ZKSCAN1: variants seen among roughly 807,000 people sequenced by gnomAD.
ZKSCAN1 encodes the protein zinc finger with KRAB and SCAN domains 1.
A neutral mutation model predicts 51.6 loss-of-function variants in ZKSCAN1; 14 were observed. The ratio of observed to expected loss-of-function variants is 0.27; its 90% confidence interval spans 0.18 to 0.42. The LOEUF is 0.42. Ranked by LOEUF, ZKSCAN1 falls within the 10% of genes least tolerant of loss-of-function variation. The probability of loss-of-function intolerance (pLI) is 1.00; values close to 1 mark genes in which losing one functional copy is unlikely to be tolerated. For missense variants in ZKSCAN1, 531 were observed against 710.0 expected (o/e 0.75, Z 2.86); for synonymous variants, 263 against 261.5 (o/e 1.01, Z -0.06).
chr7:100,041,823 G>A (rs1038325625), downstream of ZKSCAN1: 17 of 842,746 alleles, frequency 2.0e-5, 1 homozygote, highest in Non-Finnish European at 1.7e-5. Flanking sequence ...AAATTCTCAT[G>A]CAAAACTATC....
At chr7:100,029,631 AG>A (rs1490880529) in intron 3 of ZKSCAN1, among the ~76,000 whole-genome samples, 1 of 152,186 alleles carries the variant, frequency 6.6e-6, no homozygotes, top group East Asian at 1.9e-4. Context: ...TTAAAATAAA[AG>A]GGTTGGACCA....
intron 3 of ZKSCAN1, among the ~76,000 whole-genome samples, chr7:100,026,285 C>G (rs1462775304): frequency 1.4e-5 from 2 of 146,280 alleles, no homozygotes; most frequent in Non-Finnish European, 3.0e-5. Flanking sequence ...TTAACCATGA[C>G]TGGAGCTTGC....
chr7:100,036,113 G>A lies in ZKSCAN1; in HGVS notation c.*1916G>A, dbSNP rs540393904. On this transcript the variant is annotated 3_prime_UTR_variant, in exon 6 of 6. Transcript: ENST00000324306. ...AATGGTTTTATATGGAACCAACGAAGTGGGAGCTAAAACTGCACAGTGGTC... is the reference window on the plus strand; with the variant it reads ...AATGGTTTTATATGGAACCAACGAAATGGGAGCTAAAACTGCACAGTGGTC... 4.4e-4 allele frequency: 433 copies of A among 985,388 alleles called. 2 individuals carry two copies. In the Middle Eastern group the frequency reaches 4.7e-3, roughly 11 times the overall value. The allele number at this position is 985,388 out of a possible 1,614,324, so 61.0% of individuals were successfully genotyped here. A position where few individuals can be genotyped will look rare whatever the true frequency, so the allele number is the denominator to read the frequency against.
Position 100,030,230 on chromosome 7 carries a change from T to C in ZKSCAN1, c.673-19T>C. On this transcript the variant is annotated intron_variant, in intron 4 of 5. Transcript: ENST00000324306. ...CCTGAGTTTGGGGGGAAATGACTGTTTGTCTCGTGTTATTTTAGGCAATGG... is the reference window on the plus strand; with the variant it reads ...CCTGAGTTTGGGGGGAAATGACTGTCTGTCTCGTGTTATTTTAGGCAATGG... The C allele has an allele frequency of 6.2e-7, 1 of 1,610,840 alleles. No homozygotes were observed. The highest frequency in any genetic ancestry group is 8.5e-7 in the Non-Finnish European group (1 of 1,177,644).
chr7:100,036,388 C>T lies in ZKSCAN1; in HGVS notation c.*2191C>T. ...GCCACAGCAATGGTTTTGTAGAAAA[C>T]TCCTGTGCTTTTGAGCAAGGACTTT... is the stretch of plus-strand genomic sequence containing the variant. On this transcript the variant is annotated 3_prime_UTR_variant, in exon 6 of 6. Coordinates refer to ENST00000324306, the MANE Select transcript of ZKSCAN1 (RefSeq NM_003439.4). The T allele has an allele frequency of 1.0e-6, 1 of 985,382 alleles. No homozygotes were observed. Among genetic ancestry groups the T allele is most frequent in the Non-Finnish European group, 1.2e-6 (1 of 829,910 alleles). The allele number at this position is 985,382 out of a possible 1,614,324, so 61.0% of individuals were successfully genotyped here.
At position 100,041,650 on chromosome 7, in the gene ZKSCAN1, G is replaced by A. The variant is rs1002645671; in HGVS notation, c.*7453G>A. On this transcript the variant is annotated 3_prime_UTR_variant, in exon 6 of 6. Transcript: ENST00000324306. ...ATTCTCTTTATGTTGTTTCTCTTCT[G>A]AGTCATGGTAAAACAATAAATTATC... 1.0e-6 allele frequency: 1 copy of A among 985,364 alleles called. No homozygotes were observed. The highest frequency in any genetic ancestry group is 1.7e-5 in the African/African-American group (1 of 57,344). 61.0% of individuals were successfully genotyped at this position (985,364 alleles called of 1,614,324 possible). A position where few individuals can be genotyped will look rare whatever the true frequency, so the allele number is the denominator to read the frequency against.
intron 1 of ZKSCAN1, among the ~76,000 whole-genome samples, chr7:100,021,267 C>A (rs1790578552): frequency 6.6e-6 from 1 of 151,542 alleles, no homozygotes. Flanking sequence ...ATTACAGGCG[C>A]CTGCTACCAT....
In ZKSCAN1 at chr7:100,038,678, ACT is replaced by A; in HGVS notation, c.*4484_*4485del. The A allele has an allele frequency of 1.0e-6, 1 of 985,390 alleles. No individual in the cohort carries two copies. Among genetic ancestry groups the A allele is most frequent in the Non-Finnish European group, 1.2e-6 (1 of 829,928 alleles). 61.0% of individuals were successfully genotyped at this position (985,390 alleles called of 1,614,324 possible). A position where few individuals can be genotyped will look rare whatever the true frequency, so the allele number is the denominator to read the frequency against. ...AAACCGTAGTCATGCTTTCCCACTA[ACT>A]CTTAAATCCTTATGCTTAGAAAATT... On this transcript the variant is annotated 3_prime_UTR_variant, in exon 6 of 6. Transcript: ENST00000324306.
Position 100,034,562 on chromosome 7 carries a change from A to G in ZKSCAN1, c.*365A>G, listed in dbSNP as rs1791266315. On this transcript the variant is annotated 3_prime_UTR_variant, in exon 6 of 6. Coordinates refer to ENST00000324306, the MANE Select transcript of ZKSCAN1 (RefSeq NM_003439.4). ...TTGAAAGATCAAGATTGGCTCCACG[A>G]AAGTGATACGGAGGTTAGGATGCTA... 1 of 1,009,668 alleles carries G rather than the reference A, an allele frequency of 9.9e-7. No homozygotes were observed. The highest frequency in any genetic ancestry group is 1.2e-6 in the Non-Finnish European group (1 of 845,668). The allele number at this position is 1,009,668 out of a possible 1,614,324, so 62.5% of individuals were successfully genotyped here. A position where few individuals can be genotyped will look rare whatever the true frequency, so the allele number is the denominator to read the frequency against.
chr7:100,033,857 A>G lies in ZKSCAN1; in HGVS notation c.1352A>G (p.His451Arg). 6.2e-7 allele frequency: 1 copy of G among 1,614,206 alleles called. No individual in the cohort carries two copies. Residue 451 changes from histidine to arginine, a missense_variant, in exon 6 of 6, where the codon CAT becomes CGT. His to Arg is a conservative substitution (Grantham distance 29). Coordinates refer to ENST00000324306, the MANE Select transcript of ZKSCAN1 (RefSeq NM_003439.4). This position sits in a 1 kb window ranked among gnomAD's most constrained non-coding sequence, Gnocchi z 4.1. ...AGCCACAGTTCCAATCTCATCCTCC[A>G]TCAGCGCATCCACTCTGGAGAGAAA... ...AFSHSSNLIL[H>R]QRIHSGEKPY... is the part of the protein sequence containing the mutation.
rs1443282360 is a variant in ZKSCAN1 at position 100,031,281 on chromosome 7, T to C, written c.799+906T>C. ...GCTCTTTGTACTAGATGATTTTTTT[T>C]TTTTTTTTTTTTTTTTGAGACAGGG... On this transcript the variant is annotated intron_variant, in intron 5 of 5. Coordinates refer to ENST00000324306, the MANE Select transcript of ZKSCAN1 (RefSeq NM_003439.4). Among the ~76,000 whole-genome samples, 8 of 146,162 alleles carry C rather than the reference T, an allele frequency of 5.5e-5. No homozygotes were observed. In the East Asian group the frequency reaches 1.6e-3, roughly 30 times the overall value.
intron 3 of ZKSCAN1, among the ~76,000 whole-genome samples, chr7:100,027,768 C>T (rs907115605): frequency 2.0e-5 from 3 of 148,708 alleles, no homozygotes; most frequent in Admixed American, 6.8e-5. Context: ...AAAAAAAACA[C>T]CGGTGCACCG....
At position 100,034,625 on chromosome 7, in the gene ZKSCAN1, C is replaced by A; in HGVS notation, c.*428C>A. On this transcript the variant is annotated 3_prime_UTR_variant, in exon 6 of 6. Transcript: ENST00000324306. ...AAGCCCTACTTTGGCCAACATCCTG[C>A]TTATTTCTCAAAAAAGAGGGACAGT... The A allele has an allele frequency of 4.3e-5, 38 of 879,778 alleles. No homozygotes were observed. The highest frequency in any genetic ancestry group is 1.2e-4 in the East Asian group (1 of 8,346). 54.5% of individuals were successfully genotyped at this position (879,778 alleles called of 1,614,324 possible).
chr7:100,024,273 T>A lies in ZKSCAN1; in HGVS notation c.546T>A (p.His182Gln), dbSNP rs1488850696. ...AGGCCACCCAGTCCCACTTCAAACA[T>A]TCGTCTCGGAAACCCCGCCTCTTAC... The part of the protein sequence containing the change: ...HHEATQSHFK[H>Q]SSRKPRLLQS... The change falls in exon 3 of 6, where the codon CAT (histidine) becomes CAA (glutamine). Residue 182 changes from histidine to glutamine, a missense_variant. Around this residue, in one of 2 missense-constraint regions of ZKSCAN1, gnomAD observed 403 missense variants for 490.5 expected, o/e 0.82. Transcript: ENST00000324306. The A allele has an allele frequency of 6.2e-7, 1 of 1,613,942 alleles. No individual in the cohort carries two copies. Among genetic ancestry groups the A allele is most frequent in the African/African-American group, 1.3e-5 (1 of 74,950 alleles).
chr7:100,021,575 C>A (rs1281645814), intron 1 of ZKSCAN1, among the ~76,000 whole-genome samples: 1 of 152,084 alleles, frequency 6.6e-6, no homozygotes, highest in Non-Finnish European at 1.5e-5. Context: ...AAGCTGATTA[C>A]TCATTGGTGA....
At position 100,041,315 on chromosome 7, in the gene ZKSCAN1, A is replaced by G. The variant is rs989821089; in HGVS notation, c.*7118A>G. 6.1e-6 allele frequency: 6 copies of G among 985,018 alleles called. No homozygotes were observed. Among genetic ancestry groups the G allele is most frequent in the African/African-American group, 1.7e-5 (1 of 57,226 alleles). The allele number at this position is 985,018 out of a possible 1,614,324, so 61.0% of individuals were successfully genotyped here. ...AGTCCAGATGCTTGGTAGATGTTCA[A>G]TACGTGATTTTTTTTTTAATTGAAT... On this transcript the variant is annotated 3_prime_UTR_variant, in exon 6 of 6. Transcript: ENST00000324306.
chr7:100,040,766 CG>C lies in ZKSCAN1; in HGVS notation c.*6570del. 2 of 985,456 alleles carry C rather than the reference CG, an allele frequency of 2.0e-6. No individual in the cohort carries two copies. The highest frequency in any genetic ancestry group is 9.4e-5 in the South Asian group (2 of 21,292). The allele number at this position is 985,456 out of a possible 1,614,324, so 61.0% of individuals were successfully genotyped here. On this transcript the variant is annotated 3_prime_UTR_variant, in exon 6 of 6. Coordinates refer to ENST00000324306, the MANE Select transcript of ZKSCAN1 (RefSeq NM_003439.4). The stretch of plus-strand genomic sequence containing the variant: ...GGGTGTGCTGGGGTTGGTACCCGAG[CG>C]CCTTCCCCTCACCTCAACCAGAGAA...
At chr7:100,015,947 G>A (rs533605299) in intron 1 of ZKSCAN1, among the ~76,000 whole-genome samples, 42 of 152,318 alleles carry the variant, frequency 2.8e-4, no homozygotes, top group Non-Finnish European at 4.3e-4. Context: ...CGGGGAGGGG[G>A]CGAGGGTTTC....
chr7:100,045,273 TGC>T (rs1791689371), downstream of ZKSCAN1, among the ~76,000 whole-genome samples: 1 of 150,406 alleles, frequency 6.6e-6, no homozygotes, highest in African/African-American at 2.5e-5. Context: ...GCGGTGCGGG[TGC>T]GGTGGCTCAC....
Sources: gnomAD v4.1 joint callset for allele counts (sites outside exome capture counted in the v4.1 genomes callset) on GRCh38, gnomAD v4.1.1 for gene constraint, gnomAD v4.1.1 regional missense constraint, Gnocchi (gnomAD v3.1) non-coding constraint, MANE v1.5 for transcripts, NCBI Gene and HGNC (gene_info 2026-07-23, HGNC 2026-07-21) for gene names.